The following SKAP2 variants were observed in gnomAD, a reference collection of about 807,000 sequenced individuals.
SKAP2 encodes the protein src kinase-associated phosphoprotein 2.
A neutral mutation model predicts 54.9 loss-of-function variants in SKAP2; 28 were observed. The observed-to-expected ratio is 0.51, with a 90% CI of 0.38 to 0.70. SKAP2 has a LOEUF of 0.70. Among genes scored for constraint, SKAP2 ranks in the 30% least tolerant of loss-of-function variants. SKAP2 has a pLI of 0.00. For synonymous variants in SKAP2, 137 were observed against 134.3 expected (o/e 1.02, Z -0.14); for missense variants, 356 against 424.1 (o/e 0.84, Z 1.41).
At chr7:26,753,096 A>G (rs1014266745) in intron 4 of SKAP2, among the ~76,000 whole-genome samples, 1 of 152,200 alleles carries the variant, frequency 6.6e-6, no homozygotes, top group African/African-American at 2.4e-5. Flanking sequence ...CTTACTATGG[A>G]AATAAAAGCA....
intron 4 of SKAP2, among the ~76,000 whole-genome samples, chr7:26,814,121 TAA>T (rs950489675): frequency 3.1e-4 from 46 of 148,526 alleles, no homozygotes; most frequent in Admixed American, 2.2e-3. Flanking sequence ...AAAATATTTA[TAA>T]GAGTACATTT....
At chr7:26,793,888 A>G (rs891734393) in intron 4 of SKAP2, among the ~76,000 whole-genome samples, 4 of 152,244 alleles carry the variant, frequency 2.6e-5, no homozygotes, top group Non-Finnish European at 5.9e-5. Context: ...TCAGGCTTAA[A>G]ATACAATTAA....
intron 3 of SKAP2, among the ~76,000 whole-genome samples, chr7:26,851,306 A>G (rs1785036665): frequency 6.6e-6 from 1 of 151,184 alleles, no homozygotes; most frequent in Non-Finnish European, 1.5e-5. Flanking sequence ...AAGCACCTAT[A>G]GTTCCATCTA....
chr7:26,804,950 C>T (rs1562617556), intron 4 of SKAP2, among the ~76,000 whole-genome samples: 1 of 152,052 alleles, frequency 6.6e-6, no homozygotes, highest in Non-Finnish European at 1.5e-5. Context: ...AAAGATGTTT[C>T]CTATAGTATG....
intron 3 of SKAP2, among the ~76,000 whole-genome samples, chr7:26,847,842 CCT>C (rs1784957646): frequency 6.6e-6 from 1 of 152,042 alleles, no homozygotes; most frequent in South Asian, 2.1e-4. Context: ...TGAATGTGTC[CCT>C]GTTATGTACT....
At chr7:26,807,972 A>G (rs1483458486) in intron 4 of SKAP2, among the ~76,000 whole-genome samples, 2 of 152,226 alleles carry the variant, frequency 1.3e-5, no homozygotes, top group East Asian at 3.8e-4. Flanking sequence ...TATAGTGTAA[A>G]CATAACTTTT....
intron 4 of SKAP2, among the ~76,000 whole-genome samples, chr7:26,758,195 G>A (rs1358423805): frequency 6.6e-6 from 1 of 152,060 alleles, no homozygotes; most frequent in East Asian, 1.9e-4. Context: ...TCTAGGGAGT[G>A]TAGGGAATTT....
intron 6 of SKAP2, among the ~76,000 whole-genome samples, chr7:26,734,382 T>A (rs780098194): frequency 2.6e-5 from 4 of 152,180 alleles, no homozygotes; most frequent in Non-Finnish European, 4.4e-5. Context: ...CCTGGTCTAA[T>A]CCACTTATTT....
chr7:26,743,111 C>T (rs146983421), intron 4 of SKAP2, among the ~76,000 whole-genome samples: 99 of 152,254 alleles, frequency 6.5e-4, no homozygotes, highest in African/African-American at 2.3e-3. Flanking sequence ...ACCGCAATTA[C>T]GTTATCTCAC....
chr7:26,732,079 T>C (rs1787834582), intron 6 of SKAP2, among the ~76,000 whole-genome samples: 1 of 152,248 alleles, frequency 6.6e-6, no homozygotes, highest in East Asian at 1.9e-4. Context: ...CCTATTTTAA[T>C]TCCAAGATTG....
intron 4 of SKAP2, among the ~76,000 whole-genome samples, chr7:26,839,868 CTAAT>C (rs1297087734): frequency 6.6e-6 from 1 of 151,878 alleles, no homozygotes. Flanking sequence ...TTTCTAAGAG[CTAAT>C]TATTTATAGG....
intron 4 of SKAP2, among the ~76,000 whole-genome samples, chr7:26,839,339 GTGCTATACACATAGCACAA>G (rs1401145273): frequency 3.9e-5 from 6 of 151,932 alleles, no homozygotes; most frequent in Admixed American, 2.6e-4. Flanking sequence ...ACTTGAAACT[GTGCTATACACATAGCACAA>G]TGACTAAAAT....
intron 4 of SKAP2, among the ~76,000 whole-genome samples, chr7:26,775,762 G>A (rs1037689443): frequency 1.3e-5 from 2 of 152,100 alleles, no homozygotes; most frequent in African/African-American, 2.4e-5. Context: ...TTTCAAGAAT[G>A]TCATATAAAT....
At chr7:26,809,079 GGAACTCAAC>G (rs1385537293) in intron 4 of SKAP2, among the ~76,000 whole-genome samples, 2 of 152,086 alleles carry the variant, frequency 1.3e-5, no homozygotes, top group African/African-American at 2.4e-5. Flanking sequence ...AAATACATAA[GGAACTCAAC>G]AGACTCAATA....
chr7:26,763,689 AC>A (rs1782982649), intron 4 of SKAP2, among the ~76,000 whole-genome samples: 1 of 152,222 alleles, frequency 6.6e-6, no homozygotes, highest in Non-Finnish European at 1.5e-5. Flanking sequence ...CAACAGGGAT[AC>A]ATTCTAAGAA....
intron 4 of SKAP2, among the ~76,000 whole-genome samples, chr7:26,836,997 A>G (rs1584418923): frequency 1.3e-5 from 2 of 152,240 alleles, no homozygotes; most frequent in South Asian, 4.1e-4. Flanking sequence ...ATGGAATACT[A>G]TGCAGCCATA....
At chr7:26,775,329 CT>C (rs1270134203) in intron 4 of SKAP2, among the ~76,000 whole-genome samples, 2 of 152,072 alleles carry the variant, frequency 1.3e-5, no homozygotes, top group African/African-American at 4.8e-5. Flanking sequence ...CACTACCTGA[CT>C]TTTAAATTTT....
intron 10 of SKAP2, among the ~76,000 whole-genome samples, chr7:26,688,308 T>G (rs1584331565): frequency 6.6e-6 from 1 of 152,210 alleles, no homozygotes; most frequent in Non-Finnish European, 1.5e-5. Flanking sequence ...TCCACATATC[T>G]GCAAGATATA....
chr7:26,724,801 G>A (rs1787663149), intron 9 of SKAP2, among the ~76,000 whole-genome samples: 1 of 152,068 alleles, frequency 6.6e-6, no homozygotes, highest in African/African-American at 2.4e-5. Context: ...GTAGCTAATA[G>A]ATAATTAATT....
Sources: gnomAD v4.1 joint callset for allele counts (sites outside exome capture counted in the v4.1 genomes callset) on GRCh38, gnomAD v4.1.1 for gene constraint, MANE v1.5 for transcripts, NCBI Gene and HGNC (gene_info 2026-07-23, HGNC 2026-07-21) for gene names.